Variants in ARHGAP23 observed in about 807,000 individuals in gnomAD.
ARHGAP23 encodes Rho GTPase activating protein 23.
ARHGAP23 carries 34 observed loss-of-function variants against 136.3 expected under a neutral mutation model. The ratio of observed to expected loss-of-function variants is 0.25; its 90% CI spans 0.19 to 0.33. The LOEUF (loss-of-function observed/expected upper bound fraction) is 0.33. Among genes scored for constraint, ARHGAP23 ranks in the 10% least tolerant of loss-of-function variants. The probability of loss-of-function intolerance (pLI) is 1.00; values close to 1 mark genes in which losing one functional copy is unlikely to be tolerated. For synonymous variants in ARHGAP23, 832 were observed against 920.5 expected (o/e 0.90, Z 1.74); for missense variants, 1,808 against 2,139.0 (o/e 0.85, Z 3.05).
intron 1 of ARHGAP23, among the ~76,000 whole-genome samples, chr17:38,437,444 T>G (rs552562052): frequency 4.6e-5 from 7 of 151,976 alleles, no homozygotes; most frequent in Non-Finnish European, 7.4e-5. Flanking sequence ...ATGGGCAACA[T>G]AGCAAGACCC....
At chr17:38,459,982 C>T (rs1567792632) in intron 2 of ARHGAP23, among the ~76,000 whole-genome samples, 1 of 152,310 alleles carries the variant, frequency 6.6e-6, no homozygotes, top group Middle Eastern at 3.4e-3. Flanking sequence ...GCCACTGAGT[C>T]TCTGAGTGGC....
At chr17:38,426,111 C>A (rs2038567100), upstream of ARHGAP23, among the ~76,000 whole-genome samples, 1 of 152,054 alleles carries the variant, frequency 6.6e-6, no homozygotes. Context: ...AGATGCCAAC[C>A]TTTCTCCCTC....
upstream of ARHGAP23, among the ~76,000 whole-genome samples, chr17:38,428,155 G>A (rs2038596912): frequency 1.3e-5 from 2 of 152,142 alleles, no homozygotes; most frequent in South Asian, 4.1e-4. Context: ...CCTGGGCCTG[G>A]ATGGCCCTCT....
upstream of ARHGAP23, among the ~76,000 whole-genome samples, chr17:38,425,835 T>G (rs1359845629): frequency 3.1e-5 from 4 of 128,608 alleles, no homozygotes; most frequent in African/African-American, 9.1e-5. Flanking sequence ...TGGGACAGGG[T>G]GGGGGTGCAG....
At chr17:38,506,568 TGAG>T (rs1354946756) in intron 23 of ARHGAP23, among the ~76,000 whole-genome samples, 1 of 152,150 alleles carries the variant, frequency 6.6e-6, no homozygotes, top group Non-Finnish European at 1.5e-5. Context: ...TCATTTCTGG[TGAG>T]GGTTCCCTGC....
chr17:38,483,701 GACA>G (rs750138222), intron 16 of ARHGAP23, among the ~76,000 whole-genome samples: 1 of 152,228 alleles, frequency 6.6e-6, no homozygotes, highest in Non-Finnish European at 1.5e-5. Context: ...TGAAATTGTG[GACA>G]AGAGAAAAAG....
intron 20 of ARHGAP23, among the ~76,000 whole-genome samples, chr17:38,496,431 G>T (rs1262179984): frequency 6.6e-6 from 1 of 152,068 alleles, no homozygotes; most frequent in African/African-American, 2.4e-5. Context: ...CTAGGATCAG[G>T]CCACAGCATT....
intron 11 of ARHGAP23, among the ~76,000 whole-genome samples, chr17:38,472,396 T>G (rs2039781789): frequency 6.7e-6 from 1 of 149,304 alleles, no homozygotes; most frequent in African/African-American, 2.6e-5. Flanking sequence ...AGCAAAGGGC[T>G]TAGTGTTCAT....
intron 13 of ARHGAP23, 39 bp downstream of exon 13, chr17:38,479,536 G>C (rs1372975770): frequency 6.5e-7 from 1 of 1,538,496 alleles, no homozygotes; most frequent in Admixed American, 2.0e-5. Flanking sequence ...CCTCTGTGGG[G>C]GTGGTAGGGG....
chr17:38,506,821 G>A (rs1379031260), intron 23 of ARHGAP23, among the ~76,000 whole-genome samples: 1 of 152,156 alleles, frequency 6.6e-6, no homozygotes, highest in Admixed American at 6.5e-5. Flanking sequence ...GTCCATAGCA[G>A]TGAGTGAAAC....
intron 23 of ARHGAP23, among the ~76,000 whole-genome samples, chr17:38,507,578 G>A (rs2040662673): frequency 6.6e-6 from 1 of 152,180 alleles, no homozygotes; most frequent in Admixed American, 6.5e-5. Context: ...TGACCTCGTT[G>A]CTTCTGGAAC....
At position 38,510,707 on chromosome 17, in the gene ARHGAP23, G is replaced by T; in HGVS notation, c.4211G>T (p.Arg1404Leu). ...PETRRRRSSW[R>L]RHTVVVQSPL... is the part of the protein sequence containing the mutation. Reference sequence around the variant, plus strand: ...ACCCGGCGGCGCCGGAGCAGCTGGCGCCGCCACACCGTGGTGGTGCAGAGC... The same window carrying T: ...ACCCGGCGGCGCCGGAGCAGCTGGCTCCGCCACACCGTGGTGGTGCAGAGC... The change falls in exon 24 of 24, where the codon CGC becomes CTC. Residue 1404 changes from arginine to leucine, a missense_variant. Arg to Leu is a moderately radical substitution (Grantham distance 102, BLOSUM62 -2). This residue lies in a region of ARHGAP23 where 506 missense variants were observed against 455.8 expected (regional missense o/e 1.11). Transcript: ENST00000622683. The surrounding 1 kb of genome is among the most constrained non-coding windows in gnomAD (Gnocchi z 4.6). 7.0e-7 allele frequency: 1 copy of T among 1,437,404 alleles called. No individual in the cohort carries two copies. The allele number at this position is 1,437,404 out of a possible 1,614,324, so 89.0% of individuals were successfully genotyped here. A position where few individuals can be genotyped will look rare whatever the true frequency, so the allele number is the denominator to read the frequency against.
At chr17:38,471,085 T>C (rs2039744194) in intron 10 of ARHGAP23, among the ~76,000 whole-genome samples, 1 of 152,036 alleles carries the variant, frequency 6.6e-6, no homozygotes, top group Non-Finnish European at 1.5e-5. Context: ...CCTGAGTAGC[T>C]GGGATTACAG....
rs1372903310 is a variant in ARHGAP23 at position 38,510,443 on chromosome 17, A to T, written c.3947A>T (p.Asp1316Val). The T allele has an allele frequency of 8.2e-7, 1 of 1,216,284 alleles. No individual in the cohort carries two copies. Among genetic ancestry groups the T allele is most frequent in the Non-Finnish European group, 1.0e-6 (1 of 978,924 alleles). The allele number at this position is 1,216,284 out of a possible 1,614,324, so 75.3% of individuals were successfully genotyped here. A position where few individuals can be genotyped will look rare whatever the true frequency, so the allele number is the denominator to read the frequency against. Residue 1316 changes from aspartate to valine, a missense_variant, in exon 24 of 24, where the codon GAC (aspartate) becomes GTC (valine). Asp to Val is a radical substitution (Grantham distance 152, BLOSUM62 -3). Transcript: ENST00000622683. This position sits in a 1 kb window ranked among gnomAD's most constrained non-coding sequence, Gnocchi z 4.6. ...SFSSHHLMPCDTLARRRLARG... is the reference protein window; with the variant it reads ...SFSSHHLMPCVTLARRRLARG... ...AGCTCGCACCACCTCATGCCCTGCG[A>T]CACTCTGGCGCGCCGCCGCCTGGCC...
rs901012845 is a variant in ARHGAP23 at position 38,469,848 on chromosome 17, C to T, written c.1918C>T (p.Arg640Cys). The T allele has an allele frequency of 1.8e-5, 28 of 1,551,552 alleles. No individual in the cohort carries two copies. Among genetic ancestry groups the T allele is most frequent in the Non-Finnish European group, 2.1e-5 (24 of 1,146,984 alleles). The change falls in exon 10 of 24, where the codon CGC becomes TGC. Residue 640 changes from arginine to cysteine, a missense_variant and splice_region_variant. Around this residue, in one of 7 missense-constraint regions of ARHGAP23, gnomAD observed 859 missense variants for 936.4 expected, o/e 0.92. Coordinates refer to ENST00000622683, the MANE Select transcript of ARHGAP23 (RefSeq NM_001199417.2). ...TFRDEGRVLR[R>C]LPNRIPSLRM... ...TCACCCTCGACCCTCGCTTTCCAGG[C>T]GCCTGCCAAACCGCATACCCAGCCT...
At chr17:38,473,283 G>A (rs1358753435) in intron 11 of ARHGAP23, among the ~76,000 whole-genome samples, 2 of 151,870 alleles carry the variant, frequency 1.3e-5, no homozygotes, top group African/African-American at 4.8e-5. Context: ...TTTCTACCCT[G>A]CCTTCTGGGG....
At chr17:38,442,184 C>T (rs1827045511) in intron 1 of ARHGAP23, among the ~76,000 whole-genome samples, 1 of 152,160 alleles carries the variant, frequency 6.6e-6, no homozygotes, top group African/African-American at 2.4e-5. Context: ...GTCTCAAACT[C>T]CTGGGCTCAA....
chr17:38,471,614 T>G (rs2039760431), intron 10 of ARHGAP23, among the ~76,000 whole-genome samples: 1 of 152,244 alleles, frequency 6.6e-6, no homozygotes, highest in Non-Finnish European at 1.5e-5. Flanking sequence ...GCTCCTGTAG[T>G]GTGGTGAGGC....
intron 23 of ARHGAP23, among the ~76,000 whole-genome samples, chr17:38,505,801 G>A (rs1445937295): frequency 5.3e-5 from 8 of 152,170 alleles, no homozygotes; most frequent in Admixed American, 5.2e-4. Context: ...GGTGGTGCAC[G>A]CCTGTAATCC....
Sources: gnomAD v4.1 joint callset for allele counts (sites outside exome capture counted in the v4.1 genomes callset) on GRCh38, gnomAD v4.1.1 for gene constraint, gnomAD v4.1.1 regional missense constraint, Gnocchi (gnomAD v3.1) non-coding constraint, MANE v1.5 for transcripts, NCBI Gene and HGNC (gene_info 2026-07-23, HGNC 2026-07-21) for gene names.